Variants in BNC2 observed in about 807,000 individuals in gnomAD.
BNC2 encodes the protein basonuclin zinc finger protein 2.
BNC2 carries 20 observed loss-of-function variants against 76.3 expected under a neutral mutation model. The observed-to-expected ratio is 0.26, with a 90% confidence interval of 0.18 to 0.38. The LOEUF is 0.38. Ranked by LOEUF, BNC2 falls within the 10% of genes least tolerant of loss-of-function variation. BNC2 has a pLI of 1.00. For synonymous variants in BNC2, 582 were observed against 514.8 expected (o/e 1.13, Z -1.77); for missense variants, 1,382 against 1,399.8 (o/e 0.99, Z 0.20).
intron 1 of BNC2, among the ~76,000 whole-genome samples, chr9:16,821,476 G>C (rs138581781): frequency 6.6e-6 from 1 of 152,090 alleles, no homozygotes; most frequent in Non-Finnish European, 1.5e-5. Context: ...AGAAGCTATT[G>C]GCTTCTTGAA....
chr9:16,552,549 A>G lies in BNC2; in HGVS notation c.650T>C (p.Val217Ala). 2 of 1,614,208 alleles carry G rather than the reference A, an allele frequency of 1.2e-6. No homozygotes were observed. Among genetic ancestry groups the G allele is most frequent in the Non-Finnish European group, 1.7e-6 (2 of 1,180,020 alleles). The change falls in exon 5 of 7, where the codon GTC becomes GCC. Residue 217 changes from valine (V) to alanine (A), a missense_variant. By Grantham distance (64) the Val-to-Ala change is moderately conservative. Transcript: ENST00000380672. ...HGLGWTLRDY[V>A]RGYILQDAAG... Reference sequence around the variant, plus strand: ...CCCTACCTGAAGGATGTATCCTCGGACATAGTCCCGCAGAGTCCAGCCAAG... The same window carrying G: ...CCCTACCTGAAGGATGTATCCTCGGGCATAGTCCCGCAGAGTCCAGCCAAG...
chr9:16,595,952 C>G (rs1196125005), intron 3 of BNC2, among the ~76,000 whole-genome samples: 1 of 152,062 alleles, frequency 6.6e-6, no homozygotes, highest in Non-Finnish European at 1.5e-5. Context: ...GGACTGGGTT[C>G]ACATGTGTGT....
chr9:16,634,932 T>C (rs980477701), intron 3 of BNC2, among the ~76,000 whole-genome samples: 1 of 152,134 alleles, frequency 6.6e-6, no homozygotes, highest in African/African-American at 2.4e-5. Flanking sequence ...GCAATTTCCT[T>C]ACATATTCCA....
chr9:16,627,074 C>T (rs556980266), intron 3 of BNC2, among the ~76,000 whole-genome samples: 1 of 152,252 alleles, frequency 6.6e-6, no homozygotes, highest in African/African-American at 2.4e-5. Flanking sequence ...GAGCGCATTC[C>T]TTTATTTATC....
intron 6 of BNC2, among the ~76,000 whole-genome samples, chr9:16,423,753 G>C (rs1247887744): frequency 6.6e-6 from 1 of 152,166 alleles, no homozygotes; most frequent in East Asian, 1.9e-4. Context: ...ACCATAGTAT[G>C]TTATAAGGGA....
At chr9:16,701,299 T>C (rs1823503797) in intron 3 of BNC2, among the ~76,000 whole-genome samples, 1 of 152,196 alleles carries the variant, frequency 6.6e-6, no homozygotes, top group African/African-American at 2.4e-5. Context: ...CTAGCTTAAA[T>C]GATATATGAA....
intron 1 of BNC2, among the ~76,000 whole-genome samples, chr9:16,825,696 C>T (rs924052298): frequency 2.6e-5 from 4 of 152,076 alleles, no homozygotes; most frequent in African/African-American, 9.7e-5. Flanking sequence ...CAGAAACATT[C>T]CCTCCTAACT....
At chr9:16,751,635 T>C (rs1453942371) in intron 1 of BNC2, among the ~76,000 whole-genome samples, 2 of 52,112 alleles carry the variant, frequency 3.8e-5, no homozygotes, top group African/African-American at 9.7e-5. Context: ...TATATGTATG[T>C]ATATATGTAT....
chr9:16,861,140 G>A (rs1031120077), intron 1 of BNC2, among the ~76,000 whole-genome samples: 3 of 147,650 alleles, frequency 2.0e-5, no homozygotes, highest in African/African-American at 7.7e-5. Flanking sequence ...CCAGGAGTTT[G>A]AAACCAGGCT....
At chr9:16,837,202 A>C (rs563383500) in intron 1 of BNC2, among the ~76,000 whole-genome samples, 11 of 152,336 alleles carry the variant, frequency 7.2e-5, no homozygotes, top group Admixed American at 2.6e-4. Flanking sequence ...TATGAAACAT[A>C]ATCTTAGAAA....
chr9:16,629,477 G>GCTGAT (rs1334690753), intron 3 of BNC2, among the ~76,000 whole-genome samples: 1 of 152,120 alleles, frequency 6.6e-6, no homozygotes, highest in Admixed American at 6.6e-5. Context: ...TCAGTGCTGG[G>GCTGAT]CTGATCAAGG....
chr9:16,576,820 C>T (rs368630240), intron 4 of BNC2, among the ~76,000 whole-genome samples: 2 of 152,214 alleles, frequency 1.3e-5, no homozygotes, highest in African/African-American at 4.8e-5. Context: ...TCACTGCAAC[C>T]TCCACCTCCT....
intron 1 of BNC2, among the ~76,000 whole-genome samples, chr9:16,844,105 T>A (rs1227248697): frequency 6.6e-6 from 1 of 151,676 alleles, no homozygotes; most frequent in Admixed American, 6.6e-5. Flanking sequence ...ACAAAAATAA[T>A]AATAATAAAT....
intron 3 of BNC2, among the ~76,000 whole-genome samples, chr9:16,649,126 C>T (rs1014067936): frequency 5.3e-5 from 8 of 152,114 alleles, no homozygotes; most frequent in South Asian, 2.1e-4. Flanking sequence ...AAAATCTGTG[C>T]GCACATCAAG....
chr9:16,582,845 A>G lies in BNC2; in HGVS notation c.433+138T>C. On this transcript the variant is annotated intron_variant, in intron 4 of 6. Transcript: ENST00000380672. Reference sequence around the variant, plus strand: ...AGGCTGAATCTTAACTAACACTTGGAGCACAGCTGACCTCTCTCTTCTCCA... The same window carrying G: ...AGGCTGAATCTTAACTAACACTTGGGGCACAGCTGACCTCTCTCTTCTCCA... 4.1e-6 allele frequency: 3 copies of G among 727,506 alleles called. No homozygotes were observed. In the South Asian group the frequency reaches 4.8e-5, roughly 12 times the overall value. The allele number at this position is 727,506 out of a possible 1,614,324, so 45.1% of individuals were successfully genotyped here.
At chr9:16,560,527 C>T (rs891304773) in intron 4 of BNC2, among the ~76,000 whole-genome samples, 1 of 148,374 alleles carries the variant, frequency 6.7e-6, no homozygotes, top group Admixed American at 6.7e-5. Flanking sequence ...GCCTGGACAA[C>T]ACAGTGAAAC....
At chr9:16,531,049 A>G (rs1273128279) in intron 5 of BNC2, among the ~76,000 whole-genome samples, 1 of 152,228 alleles carries the variant, frequency 6.6e-6, no homozygotes, top group African/African-American at 2.4e-5. Context: ...AAAGATAAAC[A>G]AGGATGCCTA....
chr9:16,845,457 C>T (rs544916562), intron 1 of BNC2, among the ~76,000 whole-genome samples: 6 of 152,302 alleles, frequency 3.9e-5, no homozygotes, highest in South Asian at 2.1e-4. Flanking sequence ...CGCGGTGGCT[C>T]ACACCTGTAA....
chr9:16,444,284 G>T (rs764050179), intron 5 of BNC2, among the ~76,000 whole-genome samples: 1 of 152,028 alleles, frequency 6.6e-6, no homozygotes, highest in Non-Finnish European at 1.5e-5. Flanking sequence ...TATATAAATG[G>T]GGGTACATGC....
Sources: allele counts gnomAD v4.1 joint callset (sites outside exome capture counted in the v4.1 genomes callset), GRCh38; gene constraint gnomAD v4.1.1; transcripts MANE v1.5; gene names NCBI Gene and HGNC (gene_info 2026-07-23, HGNC 2026-07-21).